The following SHANK1 variants were observed in gnomAD, a reference collection of about 807,000 sequenced individuals.
The protein encoded by SHANK1 is SH3 and multiple ankyrin repeat domains 1.
SHANK1 carries 35 observed loss-of-function variants against 165.6 expected under a neutral mutation model. That is an observed-to-expected ratio of 0.21 (90% confidence interval 0.16 to 0.28). The LOEUF (loss-of-function observed/expected upper bound fraction) is 0.28, where lower values mean the gene tolerates loss of function less well. Ranked by LOEUF, SHANK1 falls within the 10% of genes least tolerant of loss-of-function variation. SHANK1 has a pLI of 1.00. For missense variants in SHANK1, 2,681 were observed against 3,036.4 expected (o/e 0.88, Z 2.75); for synonymous variants, 1,428 against 1,384.8 (o/e 1.03, Z -0.69).
rs1163573239 is a variant in SHANK1, at chr19:50,713,849, G to A, written c.741C>T (p.Gly247=). 7 of 1,613,848 alleles carry A rather than the reference G, an allele frequency of 4.3e-6. No individual in the cohort carries two copies. The highest frequency in any genetic ancestry group is 1.7e-5 in the Admixed American group (1 of 60,008). Residue 247 remains glycine, a synonymous_variant, in exon 6 of 24, where the codon GGC becomes GGT. Coordinates refer to ENST00000293441, the MANE Select transcript of SHANK1 (RefSeq NM_016148.5). The surrounding 1 kb of genome is among the most constrained non-coding windows in gnomAD (Gnocchi z 6.2). ...GAHIDFRARD[G]MTALHKAACA... ...ATGCGGCCTTATGCAGTGCGGTCAT[G>A]CCATCCCGGGCCCGGAAGTCAATGT... is the stretch of plus-strand genomic sequence containing the variant.
Position 50,686,729 on chromosome 19 carries a change from G to C in SHANK1, c.2458+15C>G. The C allele has an allele frequency of 6.2e-7, 1 of 1,612,794 alleles. No homozygotes were observed. The highest frequency in any genetic ancestry group is 1.7e-4 in the Middle Eastern group (1 of 6,052). On this transcript the variant is annotated intron_variant, in intron 20 of 23. Transcript: ENST00000293441. The surrounding 1 kb of genome is among the most constrained non-coding windows in gnomAD (Gnocchi z 5.7). ...GGGGCCCGGCATCCCGAGGAGCAGG[G>C]CTGGGCCGTCTTACTGAGAGCCATC...
At chr19:50,704,061 C>T in intron 10 of SHANK1, 59 bp downstream of exon 10, 1 of 1,559,210 alleles carries the variant, frequency 6.4e-7, no homozygotes, top group Non-Finnish European at 8.8e-7. Context: ...TCCCCCATCC[C>T]ACCATGAAAC....
chr19:50,703,416 T>G, intron 11 of SHANK1, 84 bp downstream of exon 11: 12 of 1,195,400 alleles, frequency 1.0e-5, no homozygotes, highest in Non-Finnish European at 1.4e-5. Context: ...GGAAGGCAGC[T>G]GGGCTGGCCT....
Position 50,660,009 on chromosome 19 carries a change from GCCCCCT to G in SHANK1, c.*1950_*1955del, listed in dbSNP as rs1234137227. On this transcript the variant is annotated 3_prime_UTR_variant, in exon 24 of 24. Coordinates refer to ENST00000293441, the MANE Select transcript of SHANK1 (RefSeq NM_016148.5). Reference sequence around the variant, plus strand: ...ACATGGTGAGGGGAGGGGGCTTGCAGCCCCCTCCCCTCATGGACGGAGCGCCCCCCC... The same window carrying G: ...ACATGGTGAGGGGAGGGGGCTTGCAGCCCCTCATGGACGGAGCGCCCCCCC... Among the ~76,000 whole-genome samples the G allele has an allele frequency of 6.7e-6, 1 of 150,126 alleles. No individual in the cohort carries two copies. The highest frequency in any genetic ancestry group is 1.5e-5 in the Non-Finnish European group (1 of 67,336).
In SHANK1 at chr19:50,716,195, T is replaced by C. The variant is rs2089067880; in HGVS notation, c.459+80A>G. 7.5e-7 allele frequency: 1 copy of C among 1,334,500 alleles called. No individual in the cohort carries two copies. Among genetic ancestry groups the C allele is most frequent in the South Asian group, 1.2e-5 (1 of 81,424 alleles). 82.7% of individuals were successfully genotyped at this position (1,334,500 alleles called of 1,614,324 possible). A position where few individuals can be genotyped will look rare whatever the true frequency, so the allele number is the denominator to read the frequency against. ...GGTGCCCCCTCGTTAAGGTTTCGAG[T>C]GTGTTAAAAAGTGGGTGGGGGGCAG... On this transcript the variant is annotated intron_variant, in intron 3 of 23. Coordinates refer to ENST00000293441, the MANE Select transcript of SHANK1 (RefSeq NM_016148.5). The surrounding 1 kb of genome is among the most constrained non-coding windows in gnomAD (Gnocchi z 8.4).
rs1300178261 is a variant in SHANK1, at chr19:50,659,319, T to C, written c.*2646A>G. On this transcript the variant is annotated 3_prime_UTR_variant, in exon 24 of 24. Transcript: ENST00000293441. ...ACCTGGTACAAAAGCCATTTCTCTC[T>C]GCAAAATCTTGGTGGGGAGTCAGGG... The C allele has an allele frequency of 1.3e-5, 6 of 474,898 alleles. No homozygotes were observed. The South Asian group carries it at 5.0e-4, about 39-fold the overall frequency. 29.4% of individuals were successfully genotyped at this position (474,898 alleles called of 1,614,324 possible).
rs188718551 is a variant in SHANK1 at position 50,709,384 on chromosome 19, G to A, written c.1077+1987C>T. ...TCTCAATCTCCTGACCTAGTGATCC[G>A]CCCGCCTCGGCCTCCCAAAGTGCTG... On this transcript the variant is annotated intron_variant, in intron 8 of 23. Transcript: ENST00000293441. Among the ~76,000 whole-genome samples, 437 of 152,116 alleles carry A rather than the reference G, an allele frequency of 2.9e-3. 1 individual carries two copies. Among genetic ancestry groups the A allele is most frequent in the African/African-American group, 1.0e-2 (413 of 41,502 alleles).
Position 50,686,367 on chromosome 19 carries a change from T to C in SHANK1, c.2459-12A>G, listed in dbSNP as rs2123127794. On this transcript the variant is annotated splice_polypyrimidine_tract_variant and intron_variant, in intron 20 of 23. Transcript: ENST00000293441. This position sits in a 1 kb window ranked among gnomAD's most constrained non-coding sequence, Gnocchi z 5.7. ...TTCGTCCAGTTTGTCTAGGGGTAGA[T>C]GAATGAACAGAGGTGGGAAGACAAT... The C allele has an allele frequency of 6.5e-7, 1 of 1,546,710 alleles. No homozygotes were observed. The highest frequency in any genetic ancestry group is 2.3e-5 in the East Asian group (1 of 43,546).
chr19:50,703,368 C>G, intron 11 of SHANK1, 132 bp downstream of exon 11: 1 of 747,582 alleles, frequency 1.3e-6, no homozygotes, highest in Non-Finnish European at 2.1e-6. Context: ...TTGCTTTACC[C>G]CAAGGTGACA....
chr19:50,703,464 G>C, intron 11 of SHANK1, 36 bp downstream of exon 11: 1 of 1,508,902 alleles, frequency 6.6e-7, no homozygotes, highest in South Asian at 1.2e-5. Context: ...GATTTGACGG[G>C]GCTGGGGACT....
At chr19:50,700,878 C>G (rs1986894782) in intron 12 of SHANK1, among the ~76,000 whole-genome samples, 1 of 152,116 alleles carries the variant, frequency 6.6e-6, no homozygotes, top group African/African-American at 2.4e-5. Context: ...CTGGCCCCCA[C>G]AGTAGCTCCT....
At position 50,690,533 on chromosome 19, in the gene SHANK1, A is replaced by G. The variant is rs1050093118; in HGVS notation, c.1965-1254T>C. Among the ~76,000 whole-genome samples the G allele has an allele frequency of 1.3e-5, 2 of 152,084 alleles. No individual in the cohort carries two copies. Among genetic ancestry groups the G allele is most frequent in the African/African-American group, 4.8e-5 (2 of 41,394 alleles). On this transcript the variant is annotated intron_variant, in intron 15 of 23. Transcript: ENST00000293441. The surrounding 1 kb of genome is among the most constrained non-coding windows in gnomAD (Gnocchi z 4.9). The stretch of plus-strand genomic sequence containing the variant: ...GCTGAGCTTCCTTCAGCACTGTCTA[A>G]AGCCTGTCCCAGGGCACACTTGTAG...
rs78642714 is a variant in SHANK1, at chr19:50,661,546, G to T, written c.*419C>A. On this transcript the variant is annotated 3_prime_UTR_variant, in exon 24 of 24. Transcript: ENST00000293441. ...TGAGGGGCCTGGAGAGAGTGGGAAG[G>T]GTTGTTAGAGGGGTGGCAGGTGGTG... is the stretch of plus-strand genomic sequence containing the variant. Among the ~76,000 whole-genome samples the T allele has an allele frequency of 6.6e-6, 1 of 151,214 alleles. No homozygotes were observed. Among genetic ancestry groups the T allele is most frequent in the Non-Finnish European group, 1.5e-5 (1 of 67,766 alleles).
At chr19:50,714,027 C>T in intron 5 of SHANK1, 78 bp from the exon 6 acceptor site, 1 of 1,576,204 alleles carries the variant, frequency 6.3e-7, no homozygotes, top group South Asian at 1.2e-5. Context: ...GGCTCTGCAG[C>T]TCTCCACCCC....
intron 12 of SHANK1, among the ~76,000 whole-genome samples, chr19:50,700,495 G>A (rs1052774433): frequency 6.6e-6 from 1 of 151,918 alleles, no homozygotes; most frequent in African/African-American, 2.4e-5. Context: ...AGGAAGAGTC[G>A]CATGAGATGA....
chr19:50,689,550 A>G (rs1986477475), intron 15 of SHANK1: 2 of 607,996 alleles, frequency 3.3e-6, no homozygotes, highest in East Asian at 6.2e-5. Flanking sequence ...AGCACCAGGC[A>G]CGGTGGGGAG....
Position 50,702,169 on chromosome 19 carries a change from C to T in SHANK1, c.1747+298G>A, listed in dbSNP as rs1387554123. On this transcript the variant is annotated intron_variant, in intron 12 of 23. Coordinates refer to ENST00000293441, the MANE Select transcript of SHANK1 (RefSeq NM_016148.5). This position sits in a 1 kb window ranked among gnomAD's most constrained non-coding sequence, Gnocchi z 5.3. ...TGCAATGGGGCCCATGACCTCCCTCCCCAGAAAGGGCCATCAGGAGTCTAA... is the reference window on the plus strand; with the variant it reads ...TGCAATGGGGCCCATGACCTCCCTCTCCAGAAAGGGCCATCAGGAGTCTAA... 2.0e-5 allele frequency among the ~76,000 whole-genome samples: 3 copies of T among 150,640 alleles called. No individual in the cohort carries two copies. The highest frequency in any genetic ancestry group is 4.4e-5 in the Non-Finnish European group (3 of 67,694).
rs1599834021 is a variant in SHANK1 at position 50,661,741 on chromosome 19, A to C, written c.*224T>G. On this transcript the variant is annotated 3_prime_UTR_variant, in exon 24 of 24. Coordinates refer to ENST00000293441, the MANE Select transcript of SHANK1 (RefSeq NM_016148.5). ...CTATCCCCCCTCCGCTCCCCGCTTCACACACACACACACACTCTTGTGTCA... is the reference window on the plus strand; with the variant it reads ...CTATCCCCCCTCCGCTCCCCGCTTCCCACACACACACACACTCTTGTGTCA... 1 of 17,456 alleles carries C rather than the reference A, an allele frequency of 5.7e-5. No individual in the cohort carries two copies. The highest frequency in any genetic ancestry group is 1.2e-4 in the East Asian group (1 of 8,002). The allele number at this position is 17,456 out of a possible 1,614,324, so 1.1% of individuals were successfully genotyped here.
intron 15 of SHANK1, among the ~76,000 whole-genome samples, chr19:50,695,178 G>A (rs887475430): frequency 2.1e-5 from 3 of 145,682 alleles, no homozygotes; most frequent in South Asian, 2.1e-4. Flanking sequence ...GACCCGCGCC[G>A]GGAGGGGGGA....
Sources: allele counts gnomAD v4.1 joint callset (sites outside exome capture counted in the v4.1 genomes callset), GRCh38; gene constraint gnomAD v4.1.1; non-coding constraint Gnocchi (gnomAD v3.1); transcripts MANE v1.5; gene names NCBI Gene and HGNC (gene_info 2026-07-23, HGNC 2026-07-21).